The following BANK1 variants were observed in gnomAD, a reference collection of about 807,000 sequenced individuals.
BANK1 encodes the protein B cell scaffold protein with ankyrin repeats 1.
In BANK1, 95 loss-of-function variants were observed where a neutral mutation model predicts 94.5. That is an observed-to-expected ratio of 1.00 (90% confidence interval 0.85 to 1.19). The LOEUF (loss-of-function observed/expected upper bound fraction) is 1.19. Among genes scored for constraint, BANK1 ranks in the 50% most tolerant of loss-of-function variants. The probability of loss-of-function intolerance (pLI) is 0.00; values close to 1 mark genes in which losing one functional copy is unlikely to be tolerated. For synonymous variants in BANK1, 334 were observed against 308.4 expected (o/e 1.08, Z -0.87); for missense variants, 987 against 932.2 (o/e 1.06, Z -0.77).
At chr4:101,803,866 C>T (rs1365948572) in intron 1 of BANK1, among the ~76,000 whole-genome samples, 1 of 149,056 alleles carries the variant, frequency 6.7e-6, no homozygotes, top group East Asian at 2.0e-4. Flanking sequence ...GGCGTAGTGG[C>T]GGGCGCCTGT....
At chr4:102,064,460 C>A (rs1204619954) in intron 13 of BANK1, among the ~76,000 whole-genome samples, 1 of 152,040 alleles carries the variant, frequency 6.6e-6, no homozygotes, top group African/African-American at 2.4e-5. Context: ...ATTATTGTTT[C>A]TTACAATAAC....
chr4:102,030,411 C>A, intron 10 of BANK1, 146 bp downstream of exon 10: 1 of 722,762 alleles, frequency 1.4e-6, no homozygotes, highest in Non-Finnish European at 2.2e-6. Flanking sequence ...GCTATACTGG[C>A]TCATTTTTTT....
intron 7 of BANK1, among the ~76,000 whole-genome samples, chr4:101,948,849 A>G (rs1458691646): frequency 6.6e-6 from 1 of 152,142 alleles, no homozygotes; most frequent in Non-Finnish European, 1.5e-5. Flanking sequence ...CTGTATTGGT[A>G]TCTGACACAG....
At chr4:102,038,539 G>A (rs1727598241) in intron 10 of BANK1, among the ~76,000 whole-genome samples, 1 of 152,142 alleles carries the variant, frequency 6.6e-6, no homozygotes, top group Non-Finnish European at 1.5e-5. Context: ...ACAAGCAATA[G>A]TTGTTCAATA....
At chr4:102,017,433 A>T (rs151153488) in intron 7 of BANK1, among the ~76,000 whole-genome samples, 252 of 152,338 alleles carry the variant, frequency 1.7e-3, no homozygotes, top group African/African-American at 5.6e-3. Flanking sequence ...GCAAAGATTA[A>T]GGCCAAGAGC....
chr4:101,994,696 G>A (rs1302358540), intron 7 of BANK1, among the ~76,000 whole-genome samples: 2 of 152,064 alleles, frequency 1.3e-5, no homozygotes, highest in African/African-American at 2.4e-5. Context: ...TAGCAAAGCA[G>A]GAAACCTGTA....
At chr4:102,061,864 A>C (rs967722239) in intron 12 of BANK1, 2 of 152,156 alleles carry the variant, frequency 1.3e-5, no homozygotes, top group African/African-American at 2.4e-5. Flanking sequence ...TGCTTATTTT[A>C]AAAAATTATT....
Position 101,813,759 on chromosome 4 carries a change from G to A in BANK1, c.71-16049G>A, listed in dbSNP as rs972311207. 2.1e-5 allele frequency: 9 copies of A among 433,922 alleles called. No individual in the cohort carries two copies. The East Asian group carries it at 6.3e-4, about 30-fold the overall frequency. 26.9% of individuals were successfully genotyped at this position (433,922 alleles called of 1,614,324 possible). Reference sequence around the variant, plus strand: ...GTTATGTTTACTGTGAACATAGGCCGCAGGAGGCCTTGGGGAGCTTCTGCG... The same window carrying A: ...GTTATGTTTACTGTGAACATAGGCCACAGGAGGCCTTGGGGAGCTTCTGCG... On this transcript the variant is annotated intron_variant, in intron 1 of 16. Transcript: ENST00000322953.
At chr4:101,986,196 A>G (rs993861536) in intron 7 of BANK1, among the ~76,000 whole-genome samples, 2 of 152,174 alleles carry the variant, frequency 1.3e-5, no homozygotes, top group African/African-American at 4.8e-5. Flanking sequence ...ATAAAGTGCT[A>G]TGGGACCTTT....
intron 7 of BANK1, among the ~76,000 whole-genome samples, chr4:101,944,627 A>T (rs1335010481): frequency 6.6e-6 from 1 of 152,014 alleles, no homozygotes; most frequent in African/African-American, 2.4e-5. Flanking sequence ...GACCAGGAAA[A>T]TCTTTCAAGA....
At chr4:101,928,859 G>C (rs1560637323) in intron 7 of BANK1, among the ~76,000 whole-genome samples, 1 of 151,658 alleles carries the variant, frequency 6.6e-6, no homozygotes, top group African/African-American at 2.4e-5. Flanking sequence ...TTATATGCCA[G>C]ATTGGGTTAG....
chr4:101,897,876 A>G (rs1272513888), intron 6 of BANK1, among the ~76,000 whole-genome samples: 2 of 151,986 alleles, frequency 1.3e-5, no homozygotes, highest in Non-Finnish European at 2.9e-5. Flanking sequence ...ACAGAAAAAA[A>G]TATTACCCTC....
intron 6 of BANK1, among the ~76,000 whole-genome samples, chr4:101,906,962 A>G: frequency 6.6e-6 from 1 of 152,236 alleles, no homozygotes; most frequent in East Asian, 1.9e-4. Context: ...GGGGTCTCAC[A>G]GCCTTCAGAG....
intron 6 of BANK1, among the ~76,000 whole-genome samples, chr4:101,916,549 T>C (rs1221091359): frequency 6.6e-6 from 1 of 152,052 alleles, no homozygotes; most frequent in Non-Finnish European, 1.5e-5. Context: ...ATTACTTCAA[T>C]TTAATTATCA....
At chr4:101,901,820 G>A (rs1259935410) in intron 6 of BANK1, among the ~76,000 whole-genome samples, 2 of 151,926 alleles carry the variant, frequency 1.3e-5, no homozygotes, top group Non-Finnish European at 2.9e-5. Flanking sequence ...GAGTGCAGTG[G>A]TGCAATCTCA....
At chr4:101,793,138 A>C (rs1725052033) in intron 1 of BANK1, among the ~76,000 whole-genome samples, 1 of 152,216 alleles carries the variant, frequency 6.6e-6, no homozygotes, top group African/African-American at 2.4e-5. Context: ...TTGCTTAAGA[A>C]CAGAAAGCAT....
chr4:102,043,066 AC>A (rs1453976203), intron 10 of BANK1, among the ~76,000 whole-genome samples: 1 of 152,024 alleles, frequency 6.6e-6, no homozygotes, highest in African/African-American at 2.4e-5. Flanking sequence ...CAGTTCCCAA[AC>A]CCTGTAATTC....
At chr4:102,029,935 C>A (rs768977511) in intron 9 of BANK1, 25 bp from the exon 10 acceptor site, 1 of 1,569,870 alleles carries the variant, frequency 6.4e-7, no homozygotes, top group Non-Finnish European at 8.6e-7. Flanking sequence ...GAAGAGTAAA[C>A]ACCATGTAAA....
In BANK1 at chr4:101,895,362, T is replaced by A; in HGVS notation, c.961T>A (p.Tyr321Asn). The part of the protein sequence containing the change: ...LTSIFKHEIP[Y>N]YEFQSLQTEI... ...ATCCATATTCAAACATGAGATACCA[T>A]ATTATGAGTTCCAGTCTCTTCAAAC... Residue 321 changes from tyrosine to asparagine, a missense_variant, in exon 6 of 17, where the codon TAT becomes AAT. Transcript: ENST00000322953. 1.3e-6 allele frequency: 2 copies of A among 1,596,074 alleles called. No individual in the cohort carries two copies. Among genetic ancestry groups the A allele is most frequent in the Non-Finnish European group, 1.7e-6 (2 of 1,170,978 alleles).
Sources: allele counts gnomAD v4.1 joint callset (sites outside exome capture counted in the v4.1 genomes callset), GRCh38; gene constraint gnomAD v4.1.1; transcripts MANE v1.5; gene names NCBI Gene and HGNC (gene_info 2026-07-23, HGNC 2026-07-21).